Variants in IL23R observed in about 807,000 individuals in gnomAD.
The protein encoded by IL23R is interleukin 23 receptor.
In IL23R, 34 loss-of-function variants were observed where a neutral mutation model predicts 56.9. The ratio of observed to expected loss-of-function variants is 0.60; its 90% CI spans 0.45 to 0.80. The LOEUF is 0.80. Among genes scored for constraint, IL23R ranks in the 30% least tolerant of loss-of-function variants. IL23R has a pLI of 0.00. For missense variants in IL23R, 635 were observed against 730.0 expected, an observed-to-expected ratio of 0.87 and a Z score of 1.50; for synonymous variants, 230 against 249.2, an observed-to-expected ratio of 0.92 and a Z score of 0.73.
chr1:67,204,982 G>C (rs1648906153), intron 5 of IL23R, among the ~76,000 whole-genome samples: 2 of 152,216 alleles, frequency 1.3e-5, no homozygotes, highest in Admixed American at 1.3e-4. Flanking sequence ...GTTTCGCTAT[G>C]TTGGCCAGGC....
intron 4 of IL23R, among the ~76,000 whole-genome samples, chr1:67,188,473 C>T (rs554357425): frequency 6.6e-5 from 10 of 152,302 alleles, no homozygotes; most frequent in South Asian, 4.1e-4. Flanking sequence ...GTTATTTAGC[C>T]TTGCTGAGCC....
intron 9 of IL23R, among the ~76,000 whole-genome samples, chr1:67,244,200 T>C (rs970329936): frequency 6.6e-6 from 1 of 152,222 alleles, no homozygotes; most frequent in Non-Finnish European, 1.5e-5. Context: ...CCTTGTAGAT[T>C]CTGGATATTA....
At chr1:67,177,818 G>A (rs1004179517) in intron 3 of IL23R, among the ~76,000 whole-genome samples, 1 of 151,096 alleles carries the variant, frequency 6.6e-6, no homozygotes, top group African/African-American at 2.5e-5. Context: ...AAGGGATCCA[G>A]TTTCAGCCTT....
rs1459058332 is a variant in IL23R, at chr1:67,258,706, A to G, written c.1468A>G (p.Asn490Asp). 1.9e-6 allele frequency: 3 copies of G among 1,613,630 alleles called. No homozygotes were observed. The highest frequency in any genetic ancestry group is 2.5e-6 in the Non-Finnish European group (3 of 1,179,876). The change falls in exon 11 of 11, where the codon AAT becomes GAT. Residue 490 changes from asparagine to aspartate, a missense_variant. By Grantham distance (23) the Asn-to-Asp change is conservative. Transcript: ENST00000347310. ...LNTGYKPQIS[N>D]FLPEGSHLSN... ...CACTGGATATAAACCCCAAATTTCA[A>G]ATTTTCTGCCTGAGGGAAGCCATCT... is the stretch of plus-strand genomic sequence containing the variant.
intron 7 of IL23R, among the ~76,000 whole-genome samples, chr1:67,226,194 GC>G (rs1650607020): frequency 6.6e-6 from 1 of 152,320 alleles, no homozygotes; most frequent in East Asian, 1.9e-4. Context: ...GACTCCCAAA[GC>G]CCAAGTGGGA....
chr1:67,169,858 C>T (rs1415461329), intron 3 of IL23R, among the ~76,000 whole-genome samples: 2 of 152,082 alleles, frequency 1.3e-5, no homozygotes, highest in Admixed American at 1.3e-4. Context: ...CCCGGTATTC[C>T]TACATCTTTT....
At chr1:67,178,056 C>A (rs1238408836) in intron 3 of IL23R, among the ~76,000 whole-genome samples, 1 of 152,004 alleles carries the variant, frequency 6.6e-6, no homozygotes, top group Non-Finnish European at 1.5e-5. Context: ...TAGCATGATG[C>A]CTCCGGCTTT....
chr1:67,167,565 G>A (rs1230407256), intron 1 of IL23R, among the ~76,000 whole-genome samples: 2 of 152,124 alleles, frequency 1.3e-5, no homozygotes, highest in Admixed American at 1.3e-4. Flanking sequence ...TTCATCACCA[G>A]AAGTTAGCTC....
At chr1:67,163,758 A>G (rs1646844975), upstream of IL23R, among the ~76,000 whole-genome samples, 1 of 152,102 alleles carries the variant, frequency 6.6e-6, no homozygotes, top group African/African-American at 2.4e-5. Flanking sequence ...CCATAATTGT[A>G]AACTTACTGA....
chr1:67,156,561 A>C (rs1646771594), intron 1 of IL23R, among the ~76,000 whole-genome samples: 1 of 152,140 alleles, frequency 6.6e-6, no homozygotes, highest in Middle Eastern at 3.2e-3. Context: ...GCTTTGCTGC[A>C]CCTTGGTGAA....
intron 9 of IL23R, among the ~76,000 whole-genome samples, chr1:67,240,550 A>G (rs1651780461): frequency 6.6e-6 from 1 of 152,214 alleles, no homozygotes; most frequent in African/African-American, 2.4e-5. Flanking sequence ...CTAAGTCCTC[A>G]GCCCAGAATC....
At chr1:67,148,400 C>T (rs183061217) in intron 1 of IL23R, among the ~76,000 whole-genome samples, 1 of 152,358 alleles carries the variant, frequency 6.6e-6, no homozygotes, top group African/African-American at 2.4e-5. Context: ...GGTTTATATC[C>T]CAATCATTGT....
chr1:67,197,102 G>A (rs983287304), intron 4 of IL23R, among the ~76,000 whole-genome samples: 1 of 152,216 alleles, frequency 6.6e-6, no homozygotes, highest in Admixed American at 6.5e-5. Flanking sequence ...GACCTTCAAT[G>A]TGAGTGAACT....
At chr1:67,163,089 C>G (rs1646837032), upstream of IL23R, among the ~76,000 whole-genome samples, 1 of 152,008 alleles carries the variant, frequency 6.6e-6, no homozygotes, top group South Asian at 2.1e-4. Flanking sequence ...AATCTTTTTT[C>G]TCCAACAAAG....
chr1:67,246,121 A>G (rs892098784), intron 9 of IL23R, among the ~76,000 whole-genome samples: 2 of 152,208 alleles, frequency 1.3e-5, no homozygotes, highest in Non-Finnish European at 2.9e-5. Context: ...GTATTCTCTG[A>G]TGATAGTTTA....
chr1:67,170,848 G>A (rs780438229), intron 3 of IL23R, among the ~76,000 whole-genome samples: 3 of 152,132 alleles, frequency 2.0e-5, no homozygotes, highest in Non-Finnish European at 4.4e-5. Context: ...AGGCTTCCTT[G>A]CTCTATAATG....
At chr1:67,176,656 T>C (rs1203618991) in intron 3 of IL23R, among the ~76,000 whole-genome samples, 5 of 152,178 alleles carry the variant, frequency 3.3e-5, no homozygotes, top group Non-Finnish European at 7.4e-5. Context: ...AAATTATACT[T>C]GAAGTTTTAG....
At chr1:67,248,511 C>T (rs997189700) in intron 9 of IL23R, among the ~76,000 whole-genome samples, 12 of 152,040 alleles carry the variant, frequency 7.9e-5, no homozygotes, top group East Asian at 1.9e-4. Flanking sequence ...GTTAGCAATT[C>T]GTCTTTTTTT....
chr1:67,199,075 G>C (rs1648402668), intron 4 of IL23R, among the ~76,000 whole-genome samples: 3 of 152,026 alleles, frequency 2.0e-5, no homozygotes, highest in Admixed American at 2.0e-4. Flanking sequence ...CCGTAAAGGT[G>C]CTAGACAGTC....
Sources: gnomAD v4.1 joint callset for allele counts (sites outside exome capture counted in the v4.1 genomes callset) on GRCh38, gnomAD v4.1.1 for gene constraint, MANE v1.5 for transcripts, NCBI Gene and HGNC (gene_info 2026-07-23, HGNC 2026-07-21) for gene names.